The following GRM7 variants were observed in gnomAD, a reference collection of about 807,000 sequenced individuals.
GRM7 encodes glutamate metabotropic receptor 7.
A neutral mutation model predicts 84.5 loss-of-function variants in GRM7; 35 were observed. That is an observed-to-expected ratio of 0.41 (90% CI 0.32 to 0.55). The LOEUF is 0.55. Ranked by LOEUF, GRM7 falls within the 20% of genes least tolerant of loss-of-function variation. GRM7 has a pLI of 0.19. For synonymous variants in GRM7, 487 were observed against 455.1 expected, an observed-to-expected ratio of 1.07 and a Z score of -0.89; for missense variants, 1,003 against 1,194.6, an observed-to-expected ratio of 0.84 and a Z score of 2.36.
At chr3:7,058,440 A>G (rs1284298156) in intron 1 of GRM7, among the ~76,000 whole-genome samples, 1 of 151,894 alleles carries the variant, frequency 6.6e-6, no homozygotes, top group Non-Finnish European at 1.5e-5. Context: ...TTTTTTCTAC[A>G]GAGAGGAACA....
At chr3:7,414,092 T>C (rs1696057989) in intron 4 of GRM7, among the ~76,000 whole-genome samples, 2 of 152,162 alleles carry the variant, frequency 1.3e-5, no homozygotes, top group African/African-American at 4.8e-5. Context: ...TATGAGAAAA[T>C]GTACATAAAA....
chr3:7,306,682 G>T, intron 4 of GRM7, 30 bp downstream of exon 4: 1 of 1,549,926 alleles, frequency 6.5e-7, no homozygotes, highest in South Asian at 1.2e-5. Context: ...TAGGTTTGCT[G>T]AGAGAAGTTC....
At chr3:7,356,305 T>A (rs1693398627) in intron 4 of GRM7, among the ~76,000 whole-genome samples, 2 of 151,882 alleles carry the variant, frequency 1.3e-5, no homozygotes, top group African/African-American at 4.8e-5. Flanking sequence ...GGATTTTTTT[T>A]TTTTTATTTT....
At chr3:7,333,000 A>T (rs910289726) in intron 4 of GRM7, among the ~76,000 whole-genome samples, 1 of 152,016 alleles carries the variant, frequency 6.6e-6, no homozygotes, top group African/African-American at 2.4e-5. Flanking sequence ...CCCTTCTACT[A>T]CCATAGCTGG....
chr3:7,286,045 C>A (rs1375203561), intron 2 of GRM7, among the ~76,000 whole-genome samples: 1 of 152,116 alleles, frequency 6.6e-6, no homozygotes, highest in East Asian at 1.9e-4. Flanking sequence ...AAATAGGTAG[C>A]AACCCAGCTA....
intron 7 of GRM7, among the ~76,000 whole-genome samples, chr3:7,464,174 A>G (rs1176923914): frequency 7.2e-5 from 11 of 152,154 alleles, no homozygotes; most frequent in Middle Eastern, 6.3e-3. Context: ...TCATTGGGCA[A>G]TGTTGATGAC....
chr3:7,411,034 G>GA (rs1695914627), intron 4 of GRM7, among the ~76,000 whole-genome samples: 1 of 151,980 alleles, frequency 6.6e-6, no homozygotes, highest in African/African-American at 2.4e-5. Flanking sequence ...AGCATTCCTA[G>GA]GCTTGTGGCT....
rs538738202 is a variant in GRM7, at chr3:6,950,474, G to A, written c.519+88567G>A. On this transcript the variant is annotated intron_variant, in intron 1 of 9. Transcript: ENST00000357716. ...GGTGTCAGTACGCCCCTACTGGGGG[G>A]TGCCTCCCAGTTAGGCTGCTGGGGG... Among the ~76,000 whole-genome samples, 14 of 152,316 alleles carry A rather than the reference G, an allele frequency of 9.2e-5. No individual in the cohort carries two copies. The East Asian group carries it at 1.7e-3, about 19-fold the overall frequency.
intron 7 of GRM7, among the ~76,000 whole-genome samples, chr3:7,506,793 G>A (rs1465375388): frequency 6.6e-6 from 1 of 152,140 alleles, no homozygotes; most frequent in Non-Finnish European, 1.5e-5. Flanking sequence ...AAGACAACAT[G>A]AATGAGGGCA....
At chr3:6,963,994 C>T (rs188797663) in intron 1 of GRM7, among the ~76,000 whole-genome samples, 1 of 152,290 alleles carries the variant, frequency 6.6e-6, no homozygotes, top group African/African-American at 2.4e-5. Flanking sequence ...CATACAAGAC[C>T]ATCTACATTT....
At chr3:7,183,052 T>C (rs1231107790) in intron 2 of GRM7, among the ~76,000 whole-genome samples, 2 of 152,092 alleles carry the variant, frequency 1.3e-5, no homozygotes, top group African/African-American at 4.8e-5. Context: ...GGCATCAAAA[T>C]GAATTATGAA....
At chr3:7,323,121 G>T (rs1465587099) in intron 4 of GRM7, among the ~76,000 whole-genome samples, 1 of 152,120 alleles carries the variant, frequency 6.6e-6, no homozygotes, top group African/African-American at 2.4e-5. Flanking sequence ...AGGCAAGAGG[G>T]ATGGATATGT....
chr3:7,568,482 G>A (rs2125043187), intron 7 of GRM7, among the ~76,000 whole-genome samples: 1 of 152,358 alleles, frequency 6.6e-6, no homozygotes, highest in Non-Finnish European at 1.5e-5. Context: ...CTCGGCCTTG[G>A]CGCCCACTCT....
intron 7 of GRM7, among the ~76,000 whole-genome samples, chr3:7,568,351 G>A (rs1694425598): frequency 6.6e-6 from 1 of 152,250 alleles, no homozygotes; most frequent in African/African-American, 2.4e-5. Flanking sequence ...ACACTTCCAC[G>A]TGGCTGAGGA....
At chr3:6,865,547 AT>A (rs34434467) in intron 1 of GRM7, among the ~76,000 whole-genome samples, 95,307 of 146,160 alleles carry the variant, frequency 0.65, 31,816 homozygotes, top group Non-Finnish European at 0.75. Context: ...ATTCAGGTGG[AT>A]TTTTTTTTTT....
At chr3:7,685,730 T>G (rs557433225) in intron 9 of GRM7, among the ~76,000 whole-genome samples, 3 of 151,906 alleles carry the variant, frequency 2.0e-5, no homozygotes, top group African/African-American at 7.2e-5. Flanking sequence ...TGTGCTGTTC[T>G]CAACAAAATA....
chr3:7,462,812 G>C (rs1378734701), intron 7 of GRM7, among the ~76,000 whole-genome samples: 1 of 152,030 alleles, frequency 6.6e-6, no homozygotes, highest in African/African-American at 2.4e-5. Flanking sequence ...CTAAAATTGG[G>C]TCCAAAAGAT....
At chr3:7,386,858 T>C (rs889526369) in intron 4 of GRM7, among the ~76,000 whole-genome samples, 1 of 152,212 alleles carries the variant, frequency 6.6e-6, no homozygotes, top group African/African-American at 2.4e-5. Flanking sequence ...CTTTCCACAG[T>C]GGCTGAGCTA....
intron 9 of GRM7, among the ~76,000 whole-genome samples, chr3:7,710,419 C>T (rs1701541949): frequency 6.6e-6 from 1 of 152,118 alleles, no homozygotes. Flanking sequence ...TGGAGATTAC[C>T]AGTCATTTTC....
Sources: gnomAD v4.1 joint callset for allele counts (sites outside exome capture counted in the v4.1 genomes callset) on GRCh38, gnomAD v4.1.1 for gene constraint, MANE v1.5 for transcripts, NCBI Gene and HGNC (gene_info 2026-07-23, HGNC 2026-07-21) for gene names.